ZNF804A: variants seen among roughly 807,000 people sequenced by gnomAD.
ZNF804A encodes zinc finger protein 804A.
A neutral mutation model predicts 16.5 loss-of-function variants in ZNF804A; 2 were observed. That is an observed-to-expected ratio of 0.12 (90% CI 0.05 to 0.38). The LOEUF (loss-of-function observed/expected upper bound fraction) is 0.38, where lower values mean the gene tolerates loss of function less well. ZNF804A is among the 10% of genes least tolerant of loss of function. The pLI, the probability that ZNF804A is intolerant of heterozygous loss-of-function variation, is 0.99. For synonymous variants in ZNF804A, 534 were observed against 489.6 expected, an observed-to-expected ratio of 1.09 and a Z score of -1.20; for missense variants, 1,473 against 1,390.7, an observed-to-expected ratio of 1.06 and a Z score of -0.94.
chr2:184,723,677 G>A (rs1693359062), intron 1 of ZNF804A, among the ~76,000 whole-genome samples: 1 of 151,500 alleles, frequency 6.6e-6, no homozygotes, highest in South Asian at 2.1e-4. Flanking sequence ...TTGGCTTATT[G>A]CTTTCAGTCT....
intron 1 of ZNF804A, among the ~76,000 whole-genome samples, chr2:184,729,910 C>T (rs7568655): frequency 0.34 from 50,922 of 151,886 alleles, 11,879 homozygotes; most frequent in African/African-American, 0.67. Context: ...TAGCTTATCA[C>T]GGTATGAATT....
intron 1 of ZNF804A, among the ~76,000 whole-genome samples, chr2:184,777,124 T>C (rs1016102216): frequency 4.0e-5 from 6 of 151,464 alleles, no homozygotes; most frequent in Non-Finnish European, 7.4e-5. Context: ...CAATTGTAGC[T>C]GATTTCATGA....
chr2:184,832,269 A>G (rs1695274451), intron 1 of ZNF804A, among the ~76,000 whole-genome samples: 1 of 151,994 alleles, frequency 6.6e-6, no homozygotes, highest in South Asian at 2.1e-4. Context: ...GCACAGCAGG[A>G]ATTTGCTATG....
intron 2 of ZNF804A, among the ~76,000 whole-genome samples, chr2:184,877,168 T>C (rs984120493): frequency 3.9e-5 from 6 of 152,148 alleles, no homozygotes; most frequent in African/African-American, 1.4e-4. Context: ...AGCTTTATTT[T>C]ACCATTTTAT....
chr2:184,808,604 A>G (rs754758989), intron 1 of ZNF804A, among the ~76,000 whole-genome samples: 1 of 151,522 alleles, frequency 6.6e-6, no homozygotes, highest in Non-Finnish European at 1.5e-5. Context: ...AAATATTAAT[A>G]GATTATATTT....
At chr2:184,749,513 C>A (rs542771928) in intron 1 of ZNF804A, among the ~76,000 whole-genome samples, 54 of 151,338 alleles carry the variant, frequency 3.6e-4, no homozygotes, top group African/African-American at 1.3e-3. Context: ...AGACCCAGAT[C>A]GTCAACAAAG....
At chr2:184,631,247 A>G (rs901520638) in intron 1 of ZNF804A, among the ~76,000 whole-genome samples, 1 of 152,142 alleles carries the variant, frequency 6.6e-6, no homozygotes, top group African/African-American at 2.4e-5. Context: ...CAAAGCATAG[A>G]TAGGAAATCT....
At chr2:184,846,170 G>A (rs1695512568) in intron 1 of ZNF804A, among the ~76,000 whole-genome samples, 1 of 152,036 alleles carries the variant, frequency 6.6e-6, no homozygotes, top group African/African-American at 2.4e-5. Context: ...TCTTCTACCA[G>A]TGTTTCCTGA....
chr2:184,670,517 G>A (rs114519758), intron 1 of ZNF804A, among the ~76,000 whole-genome samples: 285 of 151,850 alleles, frequency 1.9e-3, no homozygotes, highest in African/African-American at 6.6e-3. Context: ...TTTAGTTCTT[G>A]GATTCCCTAT....
At chr2:184,681,117 G>C (rs2199882) in intron 1 of ZNF804A, among the ~76,000 whole-genome samples, 36,313 of 152,108 alleles carry the variant, frequency 0.24, 6,417 homozygotes, top group African/African-American at 0.5. Context: ...AAGATCCAGG[G>C]CAGTAGCACA....
At chr2:184,775,454 T>A (rs1694271919) in intron 1 of ZNF804A, among the ~76,000 whole-genome samples, 2 of 151,806 alleles carry the variant, frequency 1.3e-5, no homozygotes, top group South Asian at 4.1e-4. Flanking sequence ...TACTTAGCTG[T>A]CTGCTATGAA....
intron 1 of ZNF804A, among the ~76,000 whole-genome samples, chr2:184,813,651 C>T (rs888015358): frequency 2.6e-5 from 4 of 151,944 alleles, no homozygotes; most frequent in Admixed American, 1.3e-4. Flanking sequence ...TGCAGTTTTA[C>T]GTTGTGATTT....
chr2:184,828,855 G>C (rs1320697578), intron 1 of ZNF804A, among the ~76,000 whole-genome samples: 1 of 151,730 alleles, frequency 6.6e-6, no homozygotes, highest in Non-Finnish European at 1.5e-5. Context: ...GATGATGATA[G>C]GTCACTAAAA....
intron 2 of ZNF804A, among the ~76,000 whole-genome samples, chr2:184,869,977 G>C (rs13388087): frequency 0.43 from 65,226 of 151,820 alleles, 16,872 homozygotes; most frequent in East Asian, 0.82. Context: ...GATTACAATA[G>C]CTCACAAATT....
At chr2:184,768,068 G>A (rs1249911760) in intron 1 of ZNF804A, among the ~76,000 whole-genome samples, 6 of 151,894 alleles carry the variant, frequency 4.0e-5, no homozygotes, top group Admixed American at 3.3e-4. Flanking sequence ...TTCCTCACCA[G>A]CAGATTCAAC....
chr2:184,827,321 C>T (rs1695181986), intron 1 of ZNF804A, among the ~76,000 whole-genome samples: 1 of 149,474 alleles, frequency 6.7e-6, no homozygotes, highest in African/African-American at 2.5e-5. Context: ...GAAAGTAGGC[C>T]CCCACACACT....
At chr2:184,824,187 C>T (rs1695126702) in intron 1 of ZNF804A, among the ~76,000 whole-genome samples, 1 of 152,020 alleles carries the variant, frequency 6.6e-6, no homozygotes, top group Non-Finnish European at 1.5e-5. Context: ...TGTTCAATGC[C>T]ACACTGAAAA....
intron 1 of ZNF804A, among the ~76,000 whole-genome samples, chr2:184,712,282 T>C (rs949112804): frequency 6.6e-6 from 1 of 151,754 alleles, no homozygotes; most frequent in African/African-American, 2.4e-5. Context: ...TAATTTTTGG[T>C]GGGGAGTTTT....
chr2:184,879,644 A>G (rs1684777439), intron 2 of ZNF804A, among the ~76,000 whole-genome samples: 1 of 152,058 alleles, frequency 6.6e-6, no homozygotes, highest in Non-Finnish European at 1.5e-5. Flanking sequence ...AAGAGTCTAA[A>G]AGATTTGAAT....
Sources: gnomAD v4.1 joint callset for allele counts (sites outside exome capture counted in the v4.1 genomes callset) on GRCh38, gnomAD v4.1.1 for gene constraint, MANE v1.5 for transcripts, NCBI Gene and HGNC (gene_info 2026-07-23, HGNC 2026-07-21) for gene names.